Variants in INPP4B observed in about 807,000 individuals in gnomAD.
The protein encoded by INPP4B is inositol polyphosphate-4-phosphatase type II B, also known as inositol polyphosphate 4-phosphatase type II.
INPP4B carries 55 observed loss-of-function variants against 122.5 expected under a neutral mutation model. The ratio of observed to expected loss-of-function variants is 0.45; its 90% confidence interval spans 0.36 to 0.56. The LOEUF (loss-of-function observed/expected upper bound fraction) is 0.56, where lower values mean the gene tolerates loss of function less well. INPP4B is among the 20% of genes least tolerant of loss of function. INPP4B has a pLI of 0.00. For missense variants in INPP4B, 1,000 were observed against 1,097.7 expected, an observed-to-expected ratio of 0.91 and a Z score of 1.26; for synonymous variants, 403 against 388.7, an observed-to-expected ratio of 1.04 and a Z score of -0.43.
chr4:142,189,361 A>G (rs1907130), intron 15 of INPP4B, among the ~76,000 whole-genome samples: 151,371 of 152,350 alleles, frequency 0.99, 75,206 homozygotes, highest in East Asian at 1. Flanking sequence ...TTCTATGTGA[A>G]TTCCAATGCC....
At position 142,375,862 on chromosome 4, in the gene INPP4B, G is replaced by C. The variant is rs560771458; in HGVS notation, c.372+27076C>G. On this transcript the variant is annotated intron_variant, in intron 7 of 25. Coordinates refer to ENST00000262992, the MANE Select transcript of INPP4B (RefSeq NM_001101669.3). ...GGAATCTGACCCAATAACAGCAAGT[G>C]CCCACACCTGGACTTTTTGCTGCGT... Among the ~76,000 whole-genome samples the C allele has an allele frequency of 3.3e-5, 5 of 151,974 alleles. No individual in the cohort carries two copies. In the South Asian group the frequency reaches 8.3e-4, roughly 25 times the overall value.
intron 1 of INPP4B, among the ~76,000 whole-genome samples, chr4:142,819,223 A>T (rs1342431178): frequency 6.6e-6 from 1 of 152,138 alleles, no homozygotes; most frequent in African/African-American, 2.4e-5. Context: ...TTGAGTAAAC[A>T]ATTTCCCTTT....
At chr4:142,814,414 G>C (rs531953892) in intron 1 of INPP4B, among the ~76,000 whole-genome samples, 1 of 152,064 alleles carries the variant, frequency 6.6e-6, no homozygotes, top group African/African-American at 2.4e-5. Context: ...TCTTGAGACA[G>C]TATAAATTAA....
chr4:142,563,364 G>C (rs1730879770), intron 2 of INPP4B, among the ~76,000 whole-genome samples: 1 of 152,156 alleles, frequency 6.6e-6, no homozygotes. Flanking sequence ...TCCCAAAACA[G>C]ATGCAAAGGG....
chr4:142,698,769 C>G (rs1761339962), intron 2 of INPP4B, among the ~76,000 whole-genome samples: 1 of 152,204 alleles, frequency 6.6e-6, no homozygotes. Flanking sequence ...GCCCCCAGGG[C>G]TGGCCATGCT....
At chr4:142,442,597 A>C (rs1421678766) in intron 3 of INPP4B, among the ~76,000 whole-genome samples, 3 of 152,182 alleles carry the variant, frequency 2.0e-5, no homozygotes, top group Non-Finnish European at 4.4e-5. Context: ...AAAGATATAA[A>C]AGAATGACTC....
intron 25 of INPP4B, among the ~76,000 whole-genome samples, chr4:142,036,560 T>C (rs1333176961): frequency 1.3e-5 from 2 of 152,238 alleles, no homozygotes; most frequent in African/African-American, 4.8e-5. Flanking sequence ...GAATAATTTA[T>C]GCCAGATGGC....
At chr4:142,470,758 A>C (rs1818673234) in intron 2 of INPP4B, among the ~76,000 whole-genome samples, 1 of 152,186 alleles carries the variant, frequency 6.6e-6, no homozygotes, top group Non-Finnish European at 1.5e-5. Context: ...TTCTCAAAAT[A>C]TGTTTTCATA....
At chr4:142,430,294 C>T (rs552579837) in intron 4 of INPP4B, among the ~76,000 whole-genome samples, 1 of 152,138 alleles carries the variant, frequency 6.6e-6, no homozygotes, top group African/African-American at 2.4e-5. Context: ...AAGTGACAAT[C>T]ATTAGGTAGG....
chr4:142,515,682 G>T (rs1053303387), intron 2 of INPP4B, among the ~76,000 whole-genome samples: 1 of 152,136 alleles, frequency 6.6e-6, no homozygotes, highest in Non-Finnish European at 1.5e-5. Flanking sequence ...GAGCCAGAAG[G>T]CTCCTTCTTT....
Position 142,443,734 on chromosome 4 carries a change from A to G in INPP4B, c.-126-12349T>C, listed in dbSNP as rs191182869. Among the ~76,000 whole-genome samples, 12 of 152,252 alleles carry G rather than the reference A, an allele frequency of 7.9e-5. No individual in the cohort carries two copies. The East Asian group carries it at 1.7e-3, about 22-fold the overall frequency. On this transcript the variant is annotated intron_variant, in intron 3 of 25. Transcript: ENST00000262992. ...CAGGTAGAAACTTCCAAGAAAGCTT[A>G]AAGTAGAGAGTGGAGAGTGGAGAGC...
intron 7 of INPP4B, among the ~76,000 whole-genome samples, chr4:142,379,431 T>C (rs773040190): frequency 2.6e-4 from 40 of 152,152 alleles, no homozygotes; most frequent in Non-Finnish European, 4.7e-4. Context: ...TGGAAACAGA[T>C]GTCCCCTAAC....
intron 6 of INPP4B, among the ~76,000 whole-genome samples, chr4:142,404,457 T>C (rs1469011084): frequency 6.6e-6 from 1 of 152,330 alleles, no homozygotes; most frequent in East Asian, 1.9e-4. Context: ...CTCTCATTCA[T>C]TAAGGTTGTG....
At chr4:142,446,057 AAAG>A (rs1468034760) in intron 3 of INPP4B, among the ~76,000 whole-genome samples, 1 of 152,034 alleles carries the variant, frequency 6.6e-6, no homozygotes, top group Non-Finnish European at 1.5e-5. Context: ...TTATGTCAGA[AAAG>A]AAGGTCTCAA....
intron 21 of INPP4B, among the ~76,000 whole-genome samples, chr4:142,113,229 A>AT (rs1038392785): frequency 2.0e-5 from 3 of 152,046 alleles, no homozygotes; most frequent in Non-Finnish European, 4.4e-5. Flanking sequence ...TCACAGGAGC[A>AT]TTTTTCACTG....
intron 7 of INPP4B, among the ~76,000 whole-genome samples, chr4:142,362,322 T>C (rs1785726047): frequency 6.6e-6 from 1 of 151,958 alleles, no homozygotes; most frequent in African/African-American, 2.4e-5. Flanking sequence ...CAGTTTGGAT[T>C]ATGACTCAGT....
intron 2 of INPP4B, among the ~76,000 whole-genome samples, chr4:142,531,365 A>G (rs1163646525): frequency 1.3e-5 from 2 of 152,134 alleles, no homozygotes; most frequent in African/African-American, 4.8e-5. Flanking sequence ...TGTTTGTACC[A>G]GAATGAATAG....
intron 23 of INPP4B, 152 bp downstream of exon 23, chr4:142,107,941 T>C (rs1431827690): frequency 5.4e-6 from 3 of 557,574 alleles, no homozygotes; most frequent in East Asian, 3.2e-5. Flanking sequence ...CATGCTACCT[T>C]GGCAATCAGT....
At chr4:142,270,382 A>C (rs1347887839) in intron 10 of INPP4B, among the ~76,000 whole-genome samples, 1 of 152,178 alleles carries the variant, frequency 6.6e-6, no homozygotes, top group Non-Finnish European at 1.5e-5. Flanking sequence ...GACAATGATC[A>C]ATACTTTTGT....
Sources: gnomAD v4.1 joint callset for allele counts (sites outside exome capture counted in the v4.1 genomes callset) on GRCh38, gnomAD v4.1.1 for gene constraint, MANE v1.5 for transcripts, NCBI Gene and HGNC (gene_info 2026-07-23, HGNC 2026-07-21) for gene names.